The following KCNB2 variants were observed in gnomAD, a reference collection of about 807,000 sequenced individuals.
The protein encoded by KCNB2 is delayed rectifier potassium channel protein.
A neutral mutation model predicts 61.5 loss-of-function variants in KCNB2; 15 were observed. The observed-to-expected ratio is 0.24, with a 90% CI of 0.16 to 0.38. The LOEUF (loss-of-function observed/expected upper bound fraction) is 0.38. Ranked by LOEUF, KCNB2 falls within the 10% of genes least tolerant of loss-of-function variation. The pLI is 1.00. For synonymous variants in KCNB2, 457 were observed against 446.0 expected (o/e 1.02, Z -0.31); for missense variants, 828 against 1,125.2 (o/e 0.74, Z 3.78).
At chr8:72,540,686 A>G (rs1806175790) in intron 1 of KCNB2, among the ~76,000 whole-genome samples, 1 of 152,124 alleles carries the variant, frequency 6.6e-6, no homozygotes, top group African/African-American at 2.4e-5. Flanking sequence ...GTGCTTCTTA[A>G]ATATGTATTC....
intron 2 of KCNB2, among the ~76,000 whole-genome samples, chr8:72,704,115 T>C (rs1177705198): frequency 6.6e-6 from 1 of 152,166 alleles, no homozygotes; most frequent in Non-Finnish European, 1.5e-5. Context: ...AAACAGATCT[T>C]TGCTGCTAGA....
At chr8:72,562,022 C>T (rs1320896394) in intron 1 of KCNB2, among the ~76,000 whole-genome samples, 2 of 151,412 alleles carry the variant, frequency 1.3e-5, no homozygotes, top group African/African-American at 2.4e-5. Context: ...TAATGCTATA[C>T]ATGAAAATTT....
intron 1 of KCNB2, among the ~76,000 whole-genome samples, chr8:72,564,913 A>G (rs1806600911): frequency 6.6e-6 from 1 of 152,172 alleles, no homozygotes; most frequent in South Asian, 2.1e-4. Flanking sequence ...TTTAGGGAGA[A>G]ATATGAATAT....
intron 2 of KCNB2, among the ~76,000 whole-genome samples, chr8:72,809,660 C>T (rs1297512845): frequency 6.6e-6 from 1 of 152,132 alleles, no homozygotes; most frequent in Non-Finnish European, 1.5e-5. Context: ...CAAGGGTAAT[C>T]AGTTTGTAAG....
At chr8:72,600,567 C>T (rs1173131273) in intron 2 of KCNB2, among the ~76,000 whole-genome samples, 5 of 150,762 alleles carry the variant, frequency 3.3e-5, no homozygotes, top group African/African-American at 7.3e-5. Context: ...ACGTTGTGTA[C>T]ATGTACCCTA....
Position 72,609,453 on chromosome 8 carries a change from AT to A in KCNB2, c.579+41141del, listed in dbSNP as rs1350213004. The stretch of plus-strand genomic sequence containing the variant: ...CATTTAACCATAGAAGAAGAAAAAA[AT>A]GTATTCTTTCTGAATCAAAAAATTA... On this transcript the variant is annotated intron_variant, in intron 2 of 2. Coordinates refer to ENST00000523207, the MANE Select transcript of KCNB2 (RefSeq NM_004770.3). Among the ~76,000 whole-genome samples the A allele has an allele frequency of 1.6e-4, 24 of 152,342 alleles. No homozygotes were observed. The East Asian group carries it at 4.4e-3, about 28-fold the overall frequency.
intron 2 of KCNB2, among the ~76,000 whole-genome samples, chr8:72,642,032 C>A (rs1806064392): frequency 6.6e-6 from 1 of 152,106 alleles, no homozygotes; most frequent in African/African-American, 2.4e-5. Flanking sequence ...GGATTTGAAG[C>A]TGAACCTTGA....
intron 1 of KCNB2, among the ~76,000 whole-genome samples, chr8:72,566,967 C>T (rs1004865288): frequency 5.3e-5 from 8 of 151,966 alleles, no homozygotes; most frequent in African/African-American, 1.9e-4. Context: ...TGATCAGGAA[C>T]TGGTTGGGCA....
At position 72,936,459 on chromosome 8, in the gene KCNB2, C is replaced by A. The variant is rs568657306; in HGVS notation, c.1104C>A (p.Ile368=). The change falls in exon 3 of 3, where the codon ATC becomes ATA. Residue 368 remains isoleucine, a synonymous_variant. Coordinates refer to ENST00000523207, the MANE Select transcript of KCNB2 (RefSeq NM_004770.3). The surrounding 1 kb of genome is among the most constrained non-coding windows in gnomAD (Gnocchi z 5.6). ...KDEDATKFTS[I]PASFWWATIT... is the part of the protein sequence containing the mutation. ...AAGATGCTACCAAGTTCACCAGTAT[C>A]CCTGCATCATTTTGGTGGGCCACCA... 6.2e-7 allele frequency: 1 copy of A among 1,614,174 alleles called. No homozygotes were observed. The highest frequency in any genetic ancestry group is 8.5e-7 in the Non-Finnish European group (1 of 1,180,004).
intron 2 of KCNB2, among the ~76,000 whole-genome samples, chr8:72,904,647 G>GT (rs1210709997): frequency 2.0e-5 from 3 of 151,940 alleles, no homozygotes; most frequent in Non-Finnish European, 4.4e-5. Context: ...GTGTTTAAAT[G>GT]TTTTTTTATT....
At position 72,706,972 on chromosome 8, in the gene KCNB2, G is replaced by A. The variant is rs149129411; in HGVS notation, c.579+138659G>A. ...TTTTGCTGCCTACTTCCTGTGATCA[G>A]CTCTGGGACTTCTTTGTTAAATACC... On this transcript the variant is annotated intron_variant, in intron 2 of 2. Transcript: ENST00000523207. Among the ~76,000 whole-genome samples the A allele has an allele frequency of 3.3e-4, 50 of 152,254 alleles. 1 individual carries two copies. The East Asian group carries it at 9.7e-3, about 29-fold the overall frequency.
At chr8:72,749,384 G>A (rs1808144161) in intron 2 of KCNB2, 1 of 151,964 alleles carries the variant, frequency 6.6e-6, no homozygotes, top group African/African-American at 2.4e-5. Context: ...AACTCAGCAA[G>A]GGATTCCAAG....
intron 2 of KCNB2, among the ~76,000 whole-genome samples, chr8:72,848,596 T>A (rs1810040863): frequency 6.6e-6 from 1 of 152,226 alleles, no homozygotes; most frequent in African/African-American, 2.4e-5. Flanking sequence ...AATGACAGTT[T>A]GCAGATGGGT....
chr8:72,839,650 T>A (rs749769144), intron 2 of KCNB2, among the ~76,000 whole-genome samples: 6 of 121,458 alleles, frequency 4.9e-5, no homozygotes, highest in Non-Finnish European at 9.5e-5. Context: ...TCTCGCTCTG[T>A]CGCCCAGGCT....
chr8:72,783,991 G>C (rs1808807749), intron 2 of KCNB2, among the ~76,000 whole-genome samples: 1 of 151,974 alleles, frequency 6.6e-6, no homozygotes, highest in Non-Finnish European at 1.5e-5. Flanking sequence ...ACCTCCTCAG[G>C]CTGGATACAT....
At chr8:72,808,013 T>C (rs1809251485) in intron 2 of KCNB2, among the ~76,000 whole-genome samples, 1 of 152,196 alleles carries the variant, frequency 6.6e-6, no homozygotes. Context: ...TATCCTACCA[T>C]GACAATCTCC....
In KCNB2 at chr8:72,616,189, G is replaced by C. The variant is rs141692416; in HGVS notation, c.579+47876G>C. ...ACATTTTGTTGAAATTAAGTGGAGG[G>C]CCTTTCCAAATTGTCAGCTTTTATT... On this transcript the variant is annotated intron_variant, in intron 2 of 2. Coordinates refer to ENST00000523207, the MANE Select transcript of KCNB2 (RefSeq NM_004770.3). Among the ~76,000 whole-genome samples, 750 of 152,254 alleles carry C rather than the reference G, an allele frequency of 4.9e-3. 8 individuals are homozygous for C. The highest frequency in any genetic ancestry group is 6.8e-3 in the Middle Eastern group (2 of 294).
intron 2 of KCNB2, among the ~76,000 whole-genome samples, chr8:72,721,062 C>A (rs962402966): frequency 3.9e-5 from 6 of 152,316 alleles, no homozygotes; most frequent in African/African-American, 9.6e-5. Flanking sequence ...TCACAAAGAA[C>A]TCCAAATCTG....
At chr8:72,728,452 AT>A (rs1563572914) in intron 2 of KCNB2, among the ~76,000 whole-genome samples, 2 of 152,188 alleles carry the variant, frequency 1.3e-5, no homozygotes, top group African/African-American at 4.8e-5. Context: ...ATGAATAATC[AT>A]TCAGGACTAG....
Sources: gnomAD v4.1 joint callset for allele counts (sites outside exome capture counted in the v4.1 genomes callset) on GRCh38, gnomAD v4.1.1 for gene constraint, Gnocchi (gnomAD v3.1) non-coding constraint, MANE v1.5 for transcripts, NCBI Gene and HGNC (gene_info 2026-07-23, HGNC 2026-07-21) for gene names.